FHIT: variants seen among roughly 807,000 people sequenced by gnomAD.
FHIT encodes fragile histidine triad diadenosine triphosphatase, also known as bis(5'-adenosyl)-triphosphatase.
A neutral mutation model predicts 17.9 loss-of-function variants in FHIT; 19 were observed. The ratio of observed to expected loss-of-function variants is 1.06; its 90% CI spans 0.74 to 1.56. FHIT has a LOEUF of 1.56. Among genes scored for constraint, FHIT ranks in the 40% most tolerant of loss-of-function variants. The pLI is 0.00. For synonymous variants in FHIT, 81 were observed against 69.7 expected, an observed-to-expected ratio of 1.16 and a Z score of -0.81; for missense variants, 248 against 189.2, an observed-to-expected ratio of 1.31 and a Z score of -1.82.
chr3:60,107,681 A>C (rs1489811101), intron 5 of FHIT, among the ~76,000 whole-genome samples: 1 of 152,202 alleles, frequency 6.6e-6, no homozygotes, highest in Non-Finnish European at 1.5e-5. Flanking sequence ...TAATATAGGC[A>C]TTTGCAAGGA....
At chr3:60,624,532 A>G (rs1407991776) in intron 4 of FHIT, among the ~76,000 whole-genome samples, 1 of 152,184 alleles carries the variant, frequency 6.6e-6, no homozygotes, top group Non-Finnish European at 1.5e-5. Context: ...ATGAAGAGAG[A>G]GGACTGCTTT....
At chr3:60,939,645 C>G (rs201957994) in intron 3 of FHIT, among the ~76,000 whole-genome samples, 29 of 152,038 alleles carry the variant, frequency 1.9e-4, no homozygotes, top group Non-Finnish European at 1.5e-5. Flanking sequence ...TTAAAGAATA[C>G]TATTAGAAAA....
intron 4 of FHIT, among the ~76,000 whole-genome samples, chr3:60,614,075 G>C (rs1176554301): frequency 6.6e-6 from 1 of 152,104 alleles, no homozygotes; most frequent in African/African-American, 2.4e-5. Flanking sequence ...GGCAAGCAAA[G>C]TGGCAGCATT....
intron 5 of FHIT, among the ~76,000 whole-genome samples, chr3:60,157,641 C>G (rs1700760119): frequency 6.6e-6 from 1 of 152,144 alleles, no homozygotes; most frequent in Non-Finnish European, 1.5e-5. Context: ...AGAATGATAC[C>G]TAAAAAGCAA....
At chr3:60,923,781 C>G (rs1288247664) in intron 3 of FHIT, among the ~76,000 whole-genome samples, 3 of 152,148 alleles carry the variant, frequency 2.0e-5, no homozygotes, top group Non-Finnish European at 4.4e-5. Context: ...CCGAGAAGCA[C>G]AAGGGGTCAG....
At chr3:61,107,887 C>A (rs762949436) in intron 2 of FHIT, among the ~76,000 whole-genome samples, 7 of 152,172 alleles carry the variant, frequency 4.6e-5, no homozygotes, top group Non-Finnish European at 1.0e-4. Context: ...GAACAGAGTT[C>A]AAACAGTTGG....
chr3:60,927,598 C>A (rs182376162), intron 3 of FHIT, among the ~76,000 whole-genome samples: 38 of 151,798 alleles, frequency 2.5e-4, no homozygotes, highest in African/African-American at 8.9e-4. Context: ...GCCCGGCCGC[C>A]CCGTCTGGGA....
chr3:60,991,679 C>T (rs568087963), intron 3 of FHIT, among the ~76,000 whole-genome samples: 39 of 152,082 alleles, frequency 2.6e-4, no homozygotes, highest in South Asian at 1.0e-3. Context: ...AAAGTCTTCA[C>T]GTGAAAACTA....
intron 4 of FHIT, among the ~76,000 whole-genome samples, chr3:60,628,213 A>C (rs1203800559): frequency 6.6e-6 from 1 of 152,068 alleles, no homozygotes; most frequent in African/African-American, 2.4e-5. Flanking sequence ...GACTCATTGG[A>C]TATTTAGGAG....
intron 5 of FHIT, among the ~76,000 whole-genome samples, chr3:60,372,757 C>T (rs1315377856): frequency 2.0e-5 from 3 of 152,188 alleles, no homozygotes; most frequent in Non-Finnish European, 2.9e-5. Context: ...TCTTCCTTAT[C>T]TATGGCTCCT....
At chr3:60,122,337 A>G (rs1705296841) in intron 5 of FHIT, among the ~76,000 whole-genome samples, 1 of 152,212 alleles carries the variant, frequency 6.6e-6, no homozygotes, top group Admixed American at 6.5e-5. Flanking sequence ...TGGGAAATGT[A>G]AAACAAATTT....
intron 3 of FHIT, among the ~76,000 whole-genome samples, chr3:61,009,412 G>C (rs1029198830): frequency 2.0e-5 from 3 of 152,164 alleles, no homozygotes; most frequent in African/African-American, 7.2e-5. Flanking sequence ...TAAGAAATAG[G>C]AGTCTTCAAA....
At chr3:60,209,653 T>A (rs1284504400) in intron 5 of FHIT, among the ~76,000 whole-genome samples, 1 of 152,086 alleles carries the variant, frequency 6.6e-6, no homozygotes, top group Non-Finnish European at 1.5e-5. Context: ...AACCATTCAA[T>A]AGGGCTTTTG....
intron 8 of FHIT, among the ~76,000 whole-genome samples, chr3:59,829,946 C>T (rs1701109093): frequency 6.6e-6 from 1 of 151,998 alleles, no homozygotes; most frequent in Non-Finnish European, 1.5e-5. Context: ...AAAATTAGCT[C>T]GTGCCTATAG....
At chr3:60,859,008 G>C (rs1478944055) in intron 3 of FHIT, among the ~76,000 whole-genome samples, 1 of 152,144 alleles carries the variant, frequency 6.6e-6, no homozygotes, top group Non-Finnish European at 1.5e-5. Flanking sequence ...TCTGTATATT[G>C]ATATTCCCTA....
At chr3:59,923,930 G>C (rs1705534454) in intron 7 of FHIT, among the ~76,000 whole-genome samples, 1 of 152,170 alleles carries the variant, frequency 6.6e-6, no homozygotes. Context: ...AGAGTGACAC[G>C]CTTTTGCCAG....
At chr3:61,037,771 C>T (rs946332237) in intron 3 of FHIT, among the ~76,000 whole-genome samples, 6 of 152,220 alleles carry the variant, frequency 3.9e-5, no homozygotes, top group African/African-American at 1.4e-4. Flanking sequence ...GATGACTCAT[C>T]AAGTAGGCCT....
At chr3:60,165,818 G>A (rs1701147622) in intron 5 of FHIT, among the ~76,000 whole-genome samples, 1 of 152,090 alleles carries the variant, frequency 6.6e-6, no homozygotes, top group African/African-American at 2.4e-5. Flanking sequence ...GAAAAATACA[G>A]GTCCCACTAC....
intron 5 of FHIT, among the ~76,000 whole-genome samples, chr3:60,256,057 A>C (rs536252476): frequency 6.6e-6 from 1 of 152,094 alleles, no homozygotes; most frequent in African/African-American, 2.4e-5. Flanking sequence ...AATGTGGCCC[A>C]CCTTTATACC....
Sources: gnomAD v4.1 joint callset for allele counts (sites outside exome capture counted in the v4.1 genomes callset) on GRCh38, gnomAD v4.1.1 for gene constraint, MANE v1.5 for transcripts, NCBI Gene and HGNC (gene_info 2026-07-23, HGNC 2026-07-21) for gene names.